Variants in SCARB1 observed in about 807,000 individuals in gnomAD.
SCARB1 encodes CD36 and LIMPII analogous 1.
Under a neutral mutation model 57.2 loss-of-function variants are expected in SCARB1, and 30 were observed. The observed-to-expected ratio is 0.52, with a 90% CI of 0.39 to 0.71. The LOEUF is 0.71. Among genes scored for constraint, SCARB1 ranks in the 30% least tolerant of loss-of-function variants. SCARB1 has a pLI of 0.00. For synonymous variants in SCARB1, 249 were observed against 268.3 expected (o/e 0.93, Z 0.70); for missense variants, 543 against 671.2 (o/e 0.81, Z 2.11).
rs1950107963 is a variant in SCARB1, at chr12:124,800,920, C to T, written c.1010-678G>A. ...AGCGAGCGGGCCTCTCTCAAAAGCT[C>T]ACGAGGGCCAGGCGCCATGGCTTAC... On this transcript the variant is annotated intron_variant, in intron 7 of 12. Transcript: ENST00000261693. This position sits in a 1 kb window ranked among gnomAD's most constrained non-coding sequence, Gnocchi z 4.8. Among the ~76,000 whole-genome samples the T allele has an allele frequency of 6.6e-6, 1 of 152,220 alleles. No individual in the cohort carries two copies. The highest frequency in any genetic ancestry group is 2.1e-4 in the South Asian group (1 of 4,830).
At position 124,800,182 on chromosome 12, in the gene SCARB1, G is replaced by A. The variant is rs767079886; in HGVS notation, c.1070C>T (p.Ala357Val). The change falls in exon 8 of 13, where the codon GCG (alanine) becomes GTG (valine). Residue 357 changes from alanine to valine, a missense_variant. Transcript: ENST00000261693. This position sits in a 1 kb window ranked among gnomAD's most constrained non-coding sequence, Gnocchi z 4.8. ...FLNADPVLAE[A>V]VTGLHPNQEA... ...CTGGTTAGGGTGCAGGCCAGTCACC[G>A]CTTCTGCCAGAACCGGGTCAGCGTT... The A allele has an allele frequency of 1.1e-5, 17 of 1,613,936 alleles. No individual in the cohort carries two copies. Among genetic ancestry groups the A allele is most frequent in the African/African-American group, 2.7e-5 (2 of 74,922 alleles).
chr12:124,829,620 C>CCTTTGCACTGACT (rs1256390414), intron 1 of SCARB1, among the ~76,000 whole-genome samples: 11 of 152,198 alleles, frequency 7.2e-5, no homozygotes, highest in African/African-American at 2.7e-4. Flanking sequence ...TGCCACAGGG[C>CCTTTGCACTGACT]CTTTGCACTG....
chr12:124,793,717 A>C (rs1377115937), intron 9 of SCARB1, among the ~76,000 whole-genome samples: 1 of 150,676 alleles, frequency 6.6e-6, no homozygotes, highest in Non-Finnish European at 1.5e-5. Flanking sequence ...AAAAAAAAGA[A>C]TGGGGATGGG....
At chr12:124,784,501 T>A (rs1030399043) in intron 11 of SCARB1, 12 of 152,182 alleles carry the variant, frequency 7.9e-5, no homozygotes, top group Non-Finnish European at 1.2e-4. Context: ...GGGTTTCAGG[T>A]CTGAAAGCCA....
intron 1 of SCARB1, among the ~76,000 whole-genome samples, chr12:124,858,628 C>G (rs1260920939): frequency 6.6e-6 from 1 of 151,880 alleles, no homozygotes; most frequent in Non-Finnish European, 1.5e-5. Context: ...ACCTGTAATC[C>G]CAGCACTTTG....
At position 124,848,208 on chromosome 12, in the gene SCARB1, C is replaced by T. The variant is rs143551404; in HGVS notation, c.126+15387G>A. 2.8e-3 allele frequency among the ~76,000 whole-genome samples: 426 copies of T among 152,274 alleles called. 3 individuals are homozygous for T. The highest frequency in any genetic ancestry group is 9.4e-3 in the African/African-American group (391 of 41,552). On this transcript the variant is annotated intron_variant, in intron 1 of 12. Transcript: ENST00000261693. ...AAGCGATTCTCCTGCCTCAGCCTCC[C>T]GAGTAGCTGGGACTACAGGTGTGCG...
intron 1 of SCARB1, among the ~76,000 whole-genome samples, chr12:124,839,405 A>T (rs559952347): frequency 6.6e-6 from 1 of 152,086 alleles, no homozygotes. Flanking sequence ...TCCAGGCTGA[A>T]TCCTATTCCA....
intron 9 of SCARB1, among the ~76,000 whole-genome samples, chr12:124,794,880 A>G (rs1208382168): frequency 6.6e-6 from 1 of 152,164 alleles, no homozygotes; most frequent in Non-Finnish European, 1.5e-5. Context: ...TGGTGAGCCA[A>G]TATCCCGCCC....
rs991377159 is a variant in SCARB1 at position 124,863,776 on chromosome 12, C to T, written c.-56G>A. 2 of 1,390,810 alleles carry T rather than the reference C, an allele frequency of 1.4e-6. No homozygotes were observed. Among genetic ancestry groups the T allele is most frequent in the Non-Finnish European group, 1.9e-6 (2 of 1,075,548 alleles). 86.2% of individuals were successfully genotyped at this position (1,390,810 alleles called of 1,614,324 possible). ...GCAGGGCTCCGCGCCTGGCAGGAGA[C>T]GGGGACGGCGACAGAGACGACACAG... On this transcript the variant is annotated 5_prime_UTR_variant, in exon 1 of 13. Coordinates refer to ENST00000261693, the MANE Select transcript of SCARB1 (RefSeq NM_005505.5).
At chr12:124,821,525 G>A (rs1473243849) in intron 1 of SCARB1, 1 of 985,166 alleles carries the variant, frequency 1.0e-6, no homozygotes, top group Non-Finnish European at 1.2e-6. Context: ...TTCAGGCCCT[G>A]GGTTTCAGCC....
intron 1 of SCARB1, among the ~76,000 whole-genome samples, chr12:124,845,165 C>T (rs1326009975): frequency 6.6e-6 from 1 of 152,118 alleles, no homozygotes; most frequent in South Asian, 2.1e-4. Context: ...AGAAGCCAAG[C>T]GAGTTCCCGA....
chr12:124,820,435 C>T (rs1214385125), intron 1 of SCARB1, among the ~76,000 whole-genome samples: 1 of 152,038 alleles, frequency 6.6e-6, no homozygotes, highest in African/African-American at 2.4e-5. Flanking sequence ...GCAGTCCTGC[C>T]CCCTCGGTAA....
chr12:124,844,137 C>T (rs1952034041), intron 1 of SCARB1, among the ~76,000 whole-genome samples: 1 of 152,086 alleles, frequency 6.6e-6, no homozygotes, highest in Admixed American at 6.6e-5. Context: ...CCAAGGTACC[C>T]CCGTCGCTAA....
intron 8 of SCARB1, among the ~76,000 whole-genome samples, chr12:124,795,757 G>A (rs1330321196): frequency 6.6e-6 from 1 of 152,108 alleles, no homozygotes; most frequent in Non-Finnish European, 1.5e-5. Context: ...TGTTTGCATG[G>A]TCTTTAATAC....
intron 1 of SCARB1, among the ~76,000 whole-genome samples, chr12:124,844,604 C>T (rs1006629233): frequency 2.0e-5 from 3 of 151,956 alleles, no homozygotes; most frequent in South Asian, 2.1e-4. Flanking sequence ...ATCTGACTGA[C>T]GCCCTTAAAA....
rs913495327 is a variant in SCARB1, at chr12:124,796,971, T to A, written c.1129-1703A>T. On this transcript the variant is annotated intron_variant, in intron 8 of 12. Coordinates refer to ENST00000261693, the MANE Select transcript of SCARB1 (RefSeq NM_005505.5). The surrounding 1 kb of genome is among the most constrained non-coding windows in gnomAD (Gnocchi z 4.0). ...TAGTTCACTGGGCCGAAATTATTTG[T>A]ACAAACAATATGGTTCTTGCTCAGC... Among the ~76,000 whole-genome samples the A allele has an allele frequency of 2.2e-4, 34 of 152,214 alleles. No homozygotes were observed. Among genetic ancestry groups the A allele is most frequent in the African/African-American group, 8.0e-4 (33 of 41,442 alleles).
Position 124,789,751 on chromosome 12 carries a change from G to A in SCARB1, c.1203-2294C>T, listed in dbSNP as rs926128926. ...GAGGGGCTGGGGCGTGGTGGCTCACGCCTGTAATCCCAGCACTTTGGGAGG... is the reference window on the plus strand; with the variant it reads ...GAGGGGCTGGGGCGTGGTGGCTCACACCTGTAATCCCAGCACTTTGGGAGG... On this transcript the variant is annotated intron_variant, in intron 9 of 12. Coordinates refer to ENST00000261693, the MANE Select transcript of SCARB1 (RefSeq NM_005505.5). This position sits in a 1 kb window ranked among gnomAD's most constrained non-coding sequence, Gnocchi z 4.4. Among the ~76,000 whole-genome samples the A allele has an allele frequency of 6.6e-6, 1 of 152,224 alleles. No individual in the cohort carries two copies. Among genetic ancestry groups the A allele is most frequent in the Non-Finnish European group, 1.5e-5 (1 of 68,026 alleles).
Position 124,807,985 on chromosome 12 carries a change from C to T in SCARB1, c.843-58G>A, listed in dbSNP as rs1950380940. 2 of 1,573,300 alleles carry T rather than the reference C, an allele frequency of 1.3e-6. No individual in the cohort carries two copies. The highest frequency in any genetic ancestry group is 1.7e-5 in the Admixed American group (1 of 59,766). ...CCAGACCCGGCGGCCAGAGCCAGGCCCTGCCAAAGGCTGCCCAGATCCAGC... is the reference window on the plus strand; with the variant it reads ...CCAGACCCGGCGGCCAGAGCCAGGCTCTGCCAAAGGCTGCCCAGATCCAGC... On this transcript the variant is annotated intron_variant, in intron 6 of 12. Transcript: ENST00000261693. This position sits in a 1 kb window ranked among gnomAD's most constrained non-coding sequence, Gnocchi z 5.3.
chr12:124,792,938 T>G (rs1352054893), intron 9 of SCARB1, among the ~76,000 whole-genome samples: 1 of 152,006 alleles, frequency 6.6e-6, no homozygotes, highest in Non-Finnish European at 1.5e-5. Context: ...GTCACCCACT[T>G]GGCCCCAGTT....
Sources: allele counts gnomAD v4.1 joint callset (sites outside exome capture counted in the v4.1 genomes callset), GRCh38; gene constraint gnomAD v4.1.1; non-coding constraint Gnocchi (gnomAD v3.1); transcripts MANE v1.5; gene names NCBI Gene and HGNC (gene_info 2026-07-23, HGNC 2026-07-21).